The following COPA variants were observed in gnomAD, a reference collection of about 807,000 sequenced individuals.
COPA encodes the protein coat protein complex I subunit alpha, also known as coatomer subunit alpha.
COPA carries 10 observed loss-of-function variants against 158.7 expected under a neutral mutation model. The observed-to-expected ratio is 0.06, with a 90% CI of 0.04 to 0.11. COPA has a LOEUF of 0.11. Among genes scored for constraint, COPA ranks in the 10% least tolerant of loss-of-function variants. COPA has a pLI of 1.00. For synonymous variants in COPA, 462 were observed against 542.8 expected, an observed-to-expected ratio of 0.85 and a Z score of 2.07; for missense variants, 1,065 against 1,536.7, an observed-to-expected ratio of 0.69 and a Z score of 5.13.
chr1:160,309,871 G>A (rs1658908789), intron 12 of COPA, among the ~76,000 whole-genome samples: 1 of 151,896 alleles, frequency 6.6e-6, no homozygotes. Flanking sequence ...CAAAGGAAGG[G>A]ATCAAGGTAA....
intron 22 of COPA, 83 bp from the exon 23 acceptor site, chr1:160,295,942 AT>A: frequency 6.3e-7 from 1 of 1,579,566 alleles, no homozygotes; most frequent in South Asian, 1.2e-5. Context: ...CTTTGATCTC[AT>A]TTGTTTCTCT....
intron 21 of COPA, 59 bp downstream of exon 21, chr1:160,297,284 C>A: frequency 6.6e-7 from 1 of 1,507,654 alleles, no homozygotes; most frequent in Non-Finnish European, 9.2e-7. Flanking sequence ...ATTAACTCAA[C>A]AAAAACAGAA....
chr1:160,294,803 C>A lies in COPA; in HGVS notation c.2531G>T (p.Gly844Val), dbSNP rs143115096. 6.2e-7 allele frequency: 1 copy of A among 1,614,022 alleles called. No homozygotes were observed. The highest frequency in any genetic ancestry group is 1.3e-5 in the African/African-American group (1 of 74,908). Residue 844 changes from glycine to valine, a missense_variant, in exon 24 of 33, where the codon GGC (glycine) becomes GTC (valine). Coordinates refer to ENST00000241704, the MANE Select transcript of COPA (RefSeq NM_004371.4). ...DIDIDTVGTE[G>V]WGEDAELQLD... ...CTGCAGCTCTGCATCCTCTCCCCAGCCCTCTGTACCAACAGTGTCAATGTC... is the reference window on the plus strand; with the variant it reads ...CTGCAGCTCTGCATCCTCTCCCCAGACCTCTGTACCAACAGTGTCAATGTC...
At chr1:160,340,026 T>C (rs752434102) in intron 2 of COPA, 44 bp from the exon 3 acceptor site, 1 of 1,591,908 alleles carries the variant, frequency 6.3e-7, no homozygotes, top group Admixed American at 1.7e-5. Context: ...GAGCTATCCT[T>C]TCTAATCTCT....
At chr1:160,323,338 AG>A in intron 8 of COPA, 92 bp downstream of exon 8, 1 of 834,892 alleles carries the variant, frequency 1.2e-6, no homozygotes, top group Non-Finnish European at 1.8e-6. Flanking sequence ...CACCTAAGGT[AG>A]AAAAATAGGT....
intron 8 of COPA, chr1:160,317,555 G>T (rs1258002311): frequency 1.0e-5 from 16 of 1,605,564 alleles, no homozygotes; most frequent in Non-Finnish European, 1.3e-5. Context: ...GAATCATACT[G>T]TCAAAGACAG....
At position 160,289,833 on chromosome 1, in the gene COPA, T is replaced by A; in HGVS notation, c.*324A>T. 5.0e-6 allele frequency: 1 copy of A among 198,426 alleles called. No homozygotes were observed. Among genetic ancestry groups the A allele is most frequent in the Non-Finnish European group, 1.0e-5 (1 of 98,030 alleles). 12.3% of individuals were successfully genotyped at this position (198,426 alleles called of 1,614,324 possible). On this transcript the variant is annotated 3_prime_UTR_variant, in exon 33 of 33. Transcript: ENST00000241704. ...CTCGAACTCCTGGCCTCAGATGATC[T>A]GCCCACCGTAGCCTCCCAAAGTGCT... is the stretch of plus-strand genomic sequence containing the variant.
chr1:160,307,886 C>T (rs1658839471), intron 13 of COPA, among the ~76,000 whole-genome samples: 1 of 152,182 alleles, frequency 6.6e-6, no homozygotes, highest in Admixed American at 6.5e-5. Context: ...CAGAAGGGTG[C>T]ATCAAAATAC....
rs756952469 is a variant in COPA at position 160,297,605 on chromosome 1, C to G, written c.2118G>C (p.Leu706=). Reference sequence around the variant, plus strand: ...TTTCTAAGTTGCCAGTGATAAGATACAGGAAGGAAAGTTTGTCAAAGTTTT... The same window carrying G: ...TTTCTAAGTTGCCAGTGATAAGATAGAGGAAGGAAAGTTTGTCAAAGTTTT... ...RTKNFDKLSF[L]YLITGNLEKL... The change falls in exon 20 of 33, where the codon CTG becomes CTC. Residue 706 remains leucine, a synonymous_variant. Coordinates refer to ENST00000241704, the MANE Select transcript of COPA (RefSeq NM_004371.4). The G allele has an allele frequency of 6.2e-6, 10 of 1,614,154 alleles. No homozygotes were observed. In the South Asian group the frequency reaches 8.8e-5, roughly 14 times the overall value.
In COPA at chr1:160,318,474, A is replaced by AAC. The variant is rs1557869971; in HGVS notation, c.707-4350_707-4349insGT. Among the ~76,000 whole-genome samples, 15 of 77,634 alleles carry AAC rather than the reference A, an allele frequency of 1.9e-4. No individual in the cohort carries two copies. The East Asian group carries it at 3.5e-3, about 18-fold the overall frequency. 50.9% of individuals were successfully genotyped at this position (77,634 alleles called of 152,430 possible). Reference sequence around the variant, plus strand: ...TTAAAATAAACAATATTTGTAAAAAAAAAAAAAAAAAAAAAAACAAAAAAA... The same window carrying AAC: ...TTAAAATAAACAATATTTGTAAAAAAACAAAAAAAAAAAAAAAAACAAAAAAA... On this transcript the variant is annotated intron_variant, in intron 8 of 32. Transcript: ENST00000241704.
chr1:160,304,427 G>A (rs185794071), intron 17 of COPA, among the ~76,000 whole-genome samples: 5,021 of 151,716 alleles, frequency 0.033, 276 homozygotes, highest in African/African-American at 0.12. Flanking sequence ...GCACTTTGGG[G>A]GGCCAAGGTG....
chr1:160,317,488 G>A (rs566653781), intron 8 of COPA: 2 of 1,609,378 alleles, frequency 1.2e-6, no homozygotes, highest in Admixed American at 3.3e-5. Flanking sequence ...CATTGGACAG[G>A]ATAGCAGTGA....
Position 160,305,429 on chromosome 1 carries a change from T to C in COPA, c.1667+4A>G. ...CCATTCTGTATCCCAGATAATTAAC[T>C]TACCCAGTGGTGACAGCATATTTGA... On this transcript the variant is annotated splice_donor_region_variant and intron_variant, in intron 17 of 32. Transcript: ENST00000241704. The C allele has an allele frequency of 6.2e-7, 1 of 1,613,780 alleles. No individual in the cohort carries two copies. Among genetic ancestry groups the C allele is most frequent in the Non-Finnish European group, 8.5e-7 (1 of 1,179,726 alleles).
chr1:160,343,088 C>G (rs372401260), intron 1 of COPA, 43 bp downstream of exon 1: 1 of 1,612,180 alleles, frequency 6.2e-7, no homozygotes, highest in Non-Finnish European at 8.5e-7. Context: ...CAGCGCCGCT[C>G]CTGACATCCA....
At chr1:160,292,230 T>G (rs1173371238) in intron 28 of COPA, 32 bp from the exon 29 acceptor site, 3 of 1,598,326 alleles carry the variant, frequency 1.9e-6, no homozygotes, top group African/African-American at 1.3e-5. Flanking sequence ...GAAGACAGGA[T>G]AGTCAGTAGG....
chr1:160,335,749 G>A (rs1442318528), intron 3 of COPA, among the ~76,000 whole-genome samples: 1 of 151,810 alleles, frequency 6.6e-6, no homozygotes, highest in Admixed American at 6.6e-5. Context: ...CAGGCGTGGT[G>A]GCATGTGCCT....
chr1:160,305,820 G>GT, intron 15 of COPA, 47 bp from the exon 16 acceptor site: 1 of 1,510,686 alleles, frequency 6.6e-7, no homozygotes, highest in Non-Finnish European at 9.2e-7. Context: ...TATTTCCCTT[G>GT]TCTCAGGCTT....
intron 8 of COPA, among the ~76,000 whole-genome samples, chr1:160,315,812 T>C (rs1176479022): frequency 2.6e-5 from 4 of 152,212 alleles, no homozygotes; most frequent in Non-Finnish European, 5.9e-5. Flanking sequence ...TGACAGCAAT[T>C]TGTGATCTCT....
At chr1:160,333,044 C>T (rs1665384173) in intron 5 of COPA, among the ~76,000 whole-genome samples, 1 of 152,218 alleles carries the variant, frequency 6.6e-6, no homozygotes, top group Non-Finnish European at 1.5e-5. Context: ...CCGCCTCAGC[C>T]TCCCGAGTAG....
Sources: allele counts gnomAD v4.1 joint callset (sites outside exome capture counted in the v4.1 genomes callset), GRCh38; gene constraint gnomAD v4.1.1; transcripts MANE v1.5; gene names NCBI Gene and HGNC (gene_info 2026-07-23, HGNC 2026-07-21).